The following SH3TC2 variants were observed in gnomAD, a reference collection of about 807,000 sequenced individuals.
SH3TC2 encodes SH3 domain and tetratricopeptide repeat-containing protein 2.
In SH3TC2, 87 loss-of-function variants were observed where a neutral mutation model predicts 124.5. That is an observed-to-expected ratio of 0.70 (90% CI 0.59 to 0.84). SH3TC2 has a LOEUF of 0.84. Ranked by LOEUF, SH3TC2 falls within the 40% of genes least tolerant of loss-of-function variation. SH3TC2 has a pLI of 0.00. For synonymous variants in SH3TC2, 634 were observed against 628.5 expected (o/e 1.01, Z -0.13); for missense variants, 1,536 against 1,566.4 (o/e 0.98, Z 0.33).
chr5:148,989,855 G>T lies in SH3TC2; in HGVS notation c.*14856C>A, dbSNP rs891920. On this transcript the variant is annotated 3_prime_UTR_variant, in exon 17 of 17. Coordinates refer to ENST00000515425, the MANE Select transcript of SH3TC2 (RefSeq NM_024577.4). The stretch of plus-strand genomic sequence containing the variant: ...ACTATATAGCAACCAGGACATTTGG[G>T]AAATGTCCCTATGAATCAATCCACC... Among the ~76,000 whole-genome samples, 34,194 of 151,978 alleles carry T rather than the reference G, an allele frequency of 0.22. 4,294 individuals carry two copies. Among genetic ancestry groups the T allele is most frequent in the African/African-American group, 0.31 (12,664 of 41,402 alleles).
chr5:149,027,670 G>T lies in SH3TC2; in HGVS notation c.2062C>A (p.Leu688Ile), dbSNP rs773433720. 6.2e-7 allele frequency: 1 copy of T among 1,614,248 alleles called. No individual in the cohort carries two copies. Among genetic ancestry groups the T allele is most frequent in the Non-Finnish European group, 8.5e-7 (1 of 1,180,026 alleles). The change falls in exon 11 of 17, where the codon CTT (leucine) becomes ATT (isoleucine). Residue 688 changes from leucine to isoleucine, a missense_variant. Physicochemically the swap from Leu to Ile is conservative, Grantham distance 5. Transcript: ENST00000515425. The stretch of plus-strand genomic sequence containing the variant: ...TGTTGCTGGACAGAGGCCACTGCAA[G>T]GTGTGGAAGATATTTCTTGTCATAC... Reference protein sequence around the residue: ...FLYDKKYLPHLAVASVQQHGI... With the variant: ...FLYDKKYLPHIAVASVQQHGI...
Position 149,028,701 on chromosome 5 carries a change from G to T in SH3TC2, c.1153C>A (p.Gln385Lys). 6.2e-7 allele frequency: 1 copy of T among 1,614,208 alleles called. No individual in the cohort carries two copies. Among genetic ancestry groups the T allele is most frequent in the Non-Finnish European group, 8.5e-7 (1 of 1,180,042 alleles). Residue 385 changes from glutamine (Q) to lysine (K), a missense_variant, in exon 10 of 17, where the codon CAG becomes AAG. Physicochemically the swap from Gln to Lys is moderately conservative, Grantham distance 53. This residue lies in a region of SH3TC2 where 1,102 missense variants were observed against 1,098.6 expected (regional missense o/e 1.00). Coordinates refer to ENST00000515425, the MANE Select transcript of SH3TC2 (RefSeq NM_024577.4). ...CCACTCAGATCATTTGGAGGATTCT[G>T]GATGGATTCAAACCCACCTAAGTAG... ...VYRLSGFESI[Q>K]NPPNDLSASQ...
At position 149,004,405 on chromosome 5, in the gene SH3TC2, C is replaced by T. The variant is rs1455039262; in HGVS notation, c.*306G>A. The T allele has an allele frequency of 1.4e-5, 5 of 364,774 alleles. No individual in the cohort carries two copies. Among genetic ancestry groups the T allele is most frequent in the East Asian group, 5.2e-5 (1 of 19,178 alleles). 22.6% of individuals were successfully genotyped at this position (364,774 alleles called of 1,614,324 possible). A position where few individuals can be genotyped will look rare whatever the true frequency, so the allele number is the denominator to read the frequency against. ...AAGGAAGGCTCCTGGAGGGCAAGAT[C>T]CCTCATCTTCTCCAGAATTATGTAT... On this transcript the variant is annotated 3_prime_UTR_variant, in exon 17 of 17. Transcript: ENST00000515425.
chr5:149,047,837 A>G, intron 3 of SH3TC2, 25 bp downstream of exon 3: 1 of 1,613,590 alleles, frequency 6.2e-7, no homozygotes, highest in Non-Finnish European at 8.5e-7. Context: ...AGTACTCAGC[A>G]TTCACCTGTT....
At chr5:149,008,804 C>T (rs2127392421) in intron 15 of SH3TC2, 47 bp downstream of exon 15, 1 of 1,612,520 alleles carries the variant, frequency 6.2e-7, no homozygotes, top group Non-Finnish European at 8.5e-7. Flanking sequence ...CTATCCTTGA[C>T]TAATCACCCC....
intron 12 of SH3TC2, among the ~76,000 whole-genome samples, chr5:149,025,422 T>A (rs545108293): frequency 1.6e-4 from 24 of 152,184 alleles, no homozygotes; most frequent in Admixed American, 6.5e-4. Flanking sequence ...TGCAAAAAAA[T>A]ATATATATAG....
At chr5:149,009,188 T>C (rs1753742119) in intron 14 of SH3TC2, among the ~76,000 whole-genome samples, 187 bp from the exon 15 acceptor site, 1 of 152,216 alleles carries the variant, frequency 6.6e-6, no homozygotes, top group African/African-American at 2.4e-5. Flanking sequence ...TCATGATGTT[T>C]TGCCCAGATC....
At position 148,991,924 on chromosome 5, in the gene SH3TC2, G is replaced by A. The variant is rs1014062042; in HGVS notation, c.*12787C>T. Among the ~76,000 whole-genome samples the A allele has an allele frequency of 6.6e-6, 1 of 152,162 alleles. No individual in the cohort carries two copies. The highest frequency in any genetic ancestry group is 2.4e-5 in the African/African-American group (1 of 41,424). On this transcript the variant is annotated 3_prime_UTR_variant, in exon 17 of 17. Coordinates refer to ENST00000515425, the MANE Select transcript of SH3TC2 (RefSeq NM_024577.4). The stretch of plus-strand genomic sequence containing the variant: ...GATGTCATGGTGGCTCAACTTTCCT[G>A]GTGTCTAAGGGGAGTGTCAGAGAGC...
chr5:149,056,729 C>A (rs1754655221), intron 1 of SH3TC2, among the ~76,000 whole-genome samples: 1 of 152,282 alleles, frequency 6.6e-6, no homozygotes, highest in South Asian at 2.1e-4. Context: ...AATTAGAATG[C>A]ATTCTATAAT....
intron 15 of SH3TC2, chr5:149,007,490 A>G (rs1012267068): frequency 2.6e-6 from 1 of 379,268 alleles, no homozygotes; most frequent in Non-Finnish European, 4.8e-6. Flanking sequence ...AGCTTGATGG[A>G]GTAGCTAAGA....
chr5:149,026,378 G>C (rs530786750), intron 12 of SH3TC2, 194 bp downstream of exon 12: 4 of 635,034 alleles, frequency 6.3e-6, no homozygotes, highest in Non-Finnish European at 1.1e-5. Context: ...GAGACATGGA[G>C]AAATTAAATA....
intron 9 of SH3TC2, 129 bp from the exon 10 acceptor site, chr5:149,028,847 G>T: frequency 1.1e-6 from 1 of 892,866 alleles, no homozygotes; most frequent in Non-Finnish European, 1.9e-6. Context: ...CATCATTAAG[G>T]AACAGGGCAG....
At position 149,025,222 on chromosome 5, in the gene SH3TC2, CCTCCCTGGGA is replaced by C. The variant is rs568577419; in HGVS notation, c.3053+1340_3053+1349del. Reference sequence around the variant, plus strand: ...CACATGCTGCATGGATCCAAAGCTCCCTCCCTGGGACTGAAGGCAAAGACAGCAGGAGGTT... The same window carrying C: ...CACATGCTGCATGGATCCAAAGCTCCCTGAAGGCAAAGACAGCAGGAGGTT... On this transcript the variant is annotated intron_variant, in intron 12 of 16. Transcript: ENST00000515425. Among the ~76,000 whole-genome samples, 17 of 152,234 alleles carry C rather than the reference CCTCCCTGGGA, an allele frequency of 1.1e-4. No homozygotes were observed. In the South Asian group the frequency reaches 3.3e-3, roughly 30 times the overall value.
intron 12 of SH3TC2, among the ~76,000 whole-genome samples, chr5:149,020,113 A>ACACACACACACACAC (rs1753943863): frequency 2.7e-5 from 4 of 146,804 alleles, no homozygotes; most frequent in Admixed American, 1.3e-4. Flanking sequence ...GAAAAGGTCA[A>ACACACACACACACAC]ACACACACAC....
chr5:149,027,767 A>C lies in SH3TC2; in HGVS notation c.1965T>G (p.Phe655Leu), dbSNP rs1754098108. 1 of 1,613,868 alleles carries C rather than the reference A, an allele frequency of 6.2e-7. No individual in the cohort carries two copies. Among genetic ancestry groups the C allele is most frequent in the Non-Finnish European group, 8.5e-7 (1 of 1,179,982 alleles). Residue 655 changes from phenylalanine (F) to leucine (L), a missense_variant, in exon 11 of 17, where the codon TTT becomes TTG. Physicochemically the swap from Phe to Leu is conservative, Grantham distance 22 (BLOSUM62 0). This residue lies in a region of SH3TC2 where 1,102 missense variants were observed against 1,098.6 expected (regional missense o/e 1.00). Transcript: ENST00000515425. The stretch of plus-strand genomic sequence containing the variant: ...CAGAGAGGAGCTGCAGGCGCTCGGC[A>C]AAGGGCAGGACCTCCTCGTGCCGGC... ...SLGRHEEVLPFAERLQLLSGH... is the reference protein window; with the variant it reads ...SLGRHEEVLPLAERLQLLSGH...
In SH3TC2 at chr5:148,984,862, A is replaced by G. The variant is rs756742451; in HGVS notation, c.*19849T>C. Reference sequence around the variant, plus strand: ...CCACTCACTTCTTTGACCTCAAATAATTTGTAATCTGCAAATAGTCAAAGT... The same window carrying G: ...CCACTCACTTCTTTGACCTCAAATAGTTTGTAATCTGCAAATAGTCAAAGT... On this transcript the variant is annotated 3_prime_UTR_variant, in exon 17 of 17. Coordinates refer to ENST00000515425, the MANE Select transcript of SH3TC2 (RefSeq NM_024577.4). 3.3e-5 allele frequency among the ~76,000 whole-genome samples: 5 copies of G among 152,190 alleles called. No homozygotes were observed. The highest frequency in any genetic ancestry group is 5.9e-5 in the Non-Finnish European group (4 of 68,044).
At position 149,010,264 on chromosome 5, in the gene SH3TC2, A is replaced by G. The variant is rs1160885371; in HGVS notation, c.3327+6T>C. The G allele has an allele frequency of 6.2e-7, 1 of 1,614,040 alleles. No homozygotes were observed. The highest frequency in any genetic ancestry group is 8.5e-7 in the Non-Finnish European group (1 of 1,180,036). On this transcript the variant is annotated splice_donor_region_variant and intron_variant, in intron 14 of 16. Coordinates refer to ENST00000515425, the MANE Select transcript of SH3TC2 (RefSeq NM_024577.4). ...TGTCTCAGCAAACTGCACAGCTTGG[A>G]CTTACTCGGTAGTACTCCACTGCAT... is the stretch of plus-strand genomic sequence containing the variant.
rs1368469843 is a variant in SH3TC2 at position 148,991,284 on chromosome 5, C to T, written c.*13427G>A. ...AAGAATGTACTTCCTGCAGCTGAAA[C>T]CAGCAGGGCAAAGAAGGTGCTTTCA... is the stretch of plus-strand genomic sequence containing the variant. On this transcript the variant is annotated 3_prime_UTR_variant, in exon 17 of 17. Coordinates refer to ENST00000515425, the MANE Select transcript of SH3TC2 (RefSeq NM_024577.4). 6.6e-6 allele frequency among the ~76,000 whole-genome samples: 1 copy of T among 152,204 alleles called. No homozygotes were observed. The highest frequency in any genetic ancestry group is 1.5e-5 in the Non-Finnish European group (1 of 68,044).
At chr5:149,048,995 G>A (rs1754512534) in intron 2 of SH3TC2, among the ~76,000 whole-genome samples, 1 of 152,178 alleles carries the variant, frequency 6.6e-6, no homozygotes, top group South Asian at 2.1e-4. Flanking sequence ...GCCTCAACTT[G>A]CCAGGACCTC....
Sources: allele counts gnomAD v4.1 joint callset (sites outside exome capture counted in the v4.1 genomes callset), GRCh38; gene constraint gnomAD v4.1.1; regional missense constraint gnomAD v4.1.1; transcripts MANE v1.5; gene names NCBI Gene and HGNC (gene_info 2026-07-23, HGNC 2026-07-21).